Variants in AKAP12 observed in about 807,000 individuals in gnomAD.
AKAP12 encodes A-kinase anchoring protein 12.
AKAP12 carries 32 observed loss-of-function variants against 79.9 expected under a neutral mutation model. The observed-to-expected ratio is 0.40, with a 90% CI of 0.30 to 0.54. The LOEUF is 0.54. Ranked by LOEUF, AKAP12 falls within the 20% of genes least tolerant of loss-of-function variation. AKAP12 has a pLI of 0.48. For missense variants in AKAP12, 2,074 were observed against 2,177.0 expected (o/e 0.95, Z 0.94); for synonymous variants, 808 against 857.0 (o/e 0.94, Z 1.00).
chr6:151,330,816 A>G (rs1420390402), intron 3 of AKAP12, among the ~76,000 whole-genome samples: 1 of 152,180 alleles, frequency 6.6e-6, no homozygotes, highest in Non-Finnish European at 1.5e-5. Flanking sequence ...TGAGAAAAAA[A>G]AGATGATGCT....
At chr6:151,255,403 C>T (rs1797272760) in intron 2 of AKAP12, among the ~76,000 whole-genome samples, 1 of 152,070 alleles carries the variant, frequency 6.6e-6, no homozygotes, top group South Asian at 2.1e-4. Flanking sequence ...TCAGGTGATC[C>T]ACCTGCCTCG....
intron 2 of AKAP12, among the ~76,000 whole-genome samples, chr6:151,256,555 A>G (rs1797301143): frequency 1.3e-5 from 2 of 152,230 alleles, no homozygotes; most frequent in African/African-American, 4.8e-5. Context: ...TAGGAAGGGG[A>G]AAGGGTGGAA....
intron 2 of AKAP12, among the ~76,000 whole-genome samples, chr6:151,268,010 C>A (rs371353001): frequency 6.6e-6 from 1 of 152,184 alleles, no homozygotes; most frequent in Admixed American, 6.5e-5. Flanking sequence ...TTGAGTGTCA[C>A]CTTCCTACCT....
chr6:151,354,248 A>AT (rs59343363), intron 4 of AKAP12, among the ~76,000 whole-genome samples: 1,947 of 151,982 alleles, frequency 0.013, 30 homozygotes, highest in African/African-American at 0.045. Flanking sequence ...GAAAAAATGG[A>AT]TTTTTTTTCC....
intron 2 of AKAP12, chr6:151,280,643 T>A (rs1776384823): frequency 7.4e-6 from 1 of 135,550 alleles, no homozygotes; most frequent in Non-Finnish European, 1.6e-5. Context: ...TCTTTTTCAT[T>A]TTCTTTTTTT....
chr6:151,352,138 G>A lies in AKAP12; in HGVS notation c.3747G>A (p.Glu1249=). 6.2e-7 allele frequency: 1 copy of A among 1,614,148 alleles called. No individual in the cohort carries two copies. The highest frequency in any genetic ancestry group is 1.3e-5 in the African/African-American group (1 of 75,034). ...ACACTCTAGAGCATACAGATAAAGAGGTGTCAGTGGAAACTGTATCCATTC... is the reference window on the plus strand; with the variant it reads ...ACACTCTAGAGCATACAGATAAAGAAGTGTCAGTGGAAACTGTATCCATTC... ...MEDTLEHTDK[E]VSVETVSILS... The change falls in exon 4 of 5, where the codon GAG becomes GAA. Residue 1249 remains glutamate (E), a synonymous_variant. Coordinates refer to ENST00000402676, the MANE Select transcript of AKAP12 (RefSeq NM_005100.4).
At chr6:151,280,949 G>T (rs1203203195) in intron 2 of AKAP12, among the ~76,000 whole-genome samples, 4 of 152,102 alleles carry the variant, frequency 2.6e-5, no homozygotes, top group South Asian at 2.1e-4. Flanking sequence ...TTCACTTAGA[G>T]AATTACCATT....
At chr6:151,324,584 A>G (rs1777478298) in intron 3 of AKAP12, 1 of 985,300 alleles carries the variant, frequency 1.0e-6, no homozygotes, top group Non-Finnish European at 1.2e-6. Flanking sequence ...AATGAACAAG[A>G]TCTTCATTCT....
At chr6:151,328,890 T>TC (rs1192721596) in intron 3 of AKAP12, among the ~76,000 whole-genome samples, 2 of 151,410 alleles carry the variant, frequency 1.3e-5, no homozygotes, top group African/African-American at 2.4e-5. Context: ...ATTATCCCCC[T>TC]CCCCCCTGCC....
chr6:151,325,703 A>G, intron 3 of AKAP12: 1 of 1,465,068 alleles, frequency 6.8e-7, no homozygotes, highest in Admixed American at 2.6e-5. Flanking sequence ...CTCCGAGGGC[A>G]CCTCCGGTTC....
chr6:151,248,622 C>T (rs1184886704), intron 2 of AKAP12, among the ~76,000 whole-genome samples: 1 of 152,176 alleles, frequency 6.6e-6, no homozygotes, highest in Non-Finnish European at 1.5e-5. Flanking sequence ...CATTTTCCTT[C>T]ACACATCTGG....
intron 3 of AKAP12, chr6:151,324,481 C>T (rs1777475826): frequency 2.0e-6 from 2 of 985,438 alleles, no homozygotes; most frequent in African/African-American, 1.7e-5. Flanking sequence ...TCCATTTTTC[C>T]CTGATTCTCC....
intron 3 of AKAP12, among the ~76,000 whole-genome samples, chr6:151,342,815 T>G (rs1338905898): frequency 6.6e-6 from 1 of 152,098 alleles, no homozygotes; most frequent in Non-Finnish European, 1.5e-5. Flanking sequence ...CAGGCTGGAG[T>G]GCAGTAGTGT....
intron 2 of AKAP12, among the ~76,000 whole-genome samples, chr6:151,259,483 T>C (rs796150659): frequency 3.4e-3 from 206 of 61,472 alleles, no homozygotes; most frequent in African/African-American, 5.3e-3. Context: ...TATATATATA[T>C]ACACACACAT....
intron 3 of AKAP12, among the ~76,000 whole-genome samples, chr6:151,331,215 T>C (rs1458137736): frequency 1.4e-5 from 2 of 147,536 alleles, no homozygotes; most frequent in East Asian, 2.0e-4. Flanking sequence ...CACATTTATT[T>C]GACTCCGTTA....
intron 3 of AKAP12, among the ~76,000 whole-genome samples, chr6:151,308,818 C>G (rs1038050498): frequency 3.9e-5 from 6 of 152,064 alleles, no homozygotes. Context: ...TTCGTGTTAA[C>G]TTATTAAACA....
chr6:151,291,520 A>C (rs1277795122), intron 2 of AKAP12, among the ~76,000 whole-genome samples: 1 of 152,168 alleles, frequency 6.6e-6, no homozygotes, highest in East Asian at 1.9e-4. Flanking sequence ...GTTTTCCTCC[A>C]AGCAGACTGA....
intron 2 of AKAP12, among the ~76,000 whole-genome samples, chr6:151,280,358 A>T (rs1196405918): frequency 6.6e-6 from 1 of 152,022 alleles, no homozygotes; most frequent in Non-Finnish European, 1.5e-5. Flanking sequence ...ATATTTCTAT[A>T]GGACTAATTC....
intron 3 of AKAP12, among the ~76,000 whole-genome samples, chr6:151,341,982 G>A (rs1054922611): frequency 2.0e-5 from 3 of 152,360 alleles, no homozygotes; most frequent in Non-Finnish European, 4.4e-5. Context: ...TCTGGGTCCC[G>A]TGACAGGTGC....
Sources: gnomAD v4.1 joint callset for allele counts (sites outside exome capture counted in the v4.1 genomes callset) on GRCh38, gnomAD v4.1.1 for gene constraint, MANE v1.5 for transcripts, NCBI Gene and HGNC (gene_info 2026-07-23, HGNC 2026-07-21) for gene names.